DNAH5: variants seen among roughly 807,000 people sequenced by gnomAD.
DNAH5 encodes the protein axonemal beta dynein heavy chain 5.
A neutral mutation model predicts 518.2 loss-of-function variants in DNAH5; 372 were observed. The observed-to-expected ratio is 0.72, with a 90% CI of 0.66 to 0.78. The LOEUF is 0.78. Among genes scored for constraint, DNAH5 ranks in the 30% least tolerant of loss-of-function variants. DNAH5 has a pLI of 0.00. For synonymous variants in DNAH5, 2,039 were observed against 2,025.9 expected, an observed-to-expected ratio of 1.01 and a Z score of -0.17; for missense variants, 5,523 against 5,687.0, an observed-to-expected ratio of 0.97 and a Z score of 0.93.
At chr5:13,863,900 G>A (rs892941306) in intron 28 of DNAH5, among the ~76,000 whole-genome samples, 2 of 152,046 alleles carry the variant, frequency 1.3e-5, no homozygotes, top group African/African-American at 4.8e-5. Flanking sequence ...CAGCCACATG[G>A]GCCTTCTTCT....
Position 13,841,980 on chromosome 5 carries a change from C to T in DNAH5, c.5272-76G>A, listed in dbSNP as rs899445357. ...AGTAAAAACTAATTATTGACTTGTC[C>T]TTCCCAAAGAAAGTAAAGCTACAGA... is the stretch of plus-strand genomic sequence containing the variant. On this transcript the variant is annotated intron_variant, in intron 32 of 78. Coordinates refer to ENST00000265104, the MANE Select transcript of DNAH5 (RefSeq NM_001369.3). 1.2e-5 allele frequency: 11 copies of T among 909,948 alleles called. No individual in the cohort carries two copies. In the African/African-American group the frequency reaches 1.7e-4, roughly 14 times the overall value. The allele number at this position is 909,948 out of a possible 1,614,324, so 56.4% of individuals were successfully genotyped here. A position where few individuals can be genotyped will look rare whatever the true frequency, so the allele number is the denominator to read the frequency against.
intron 65 of DNAH5, 136 bp downstream of exon 65, chr5:13,750,942 T>C (rs895649812): frequency 1.0e-6 from 1 of 966,272 alleles, no homozygotes; most frequent in Non-Finnish European, 1.6e-6. Context: ...AGAAAACACT[T>C]GGAGATTAAT....
Position 13,752,267 on chromosome 5 carries a change from T to C in DNAH5, c.10895A>G (p.Tyr3632Cys), listed in dbSNP as rs768999774. Reference sequence around the variant, plus strand: ...GCTGTCTTCCAGGTGGTTTCTGAAGTACTTGTGATTTAAAGACGTGATCTA... The same window carrying C: ...GCTGTCTTCCAGGTGGTTTCTGAAGCACTTGTGATTTAAAGACGTGATCTA... ...ELQITSLNHK[Y>C]FRNHLEDSLS... Residue 3632 changes from tyrosine to cysteine, a missense_variant, in exon 64 of 79, where the codon TAC (tyrosine) becomes TGC (cysteine). Physicochemically the swap from Tyr to Cys is radical, Grantham distance 194. Coordinates refer to ENST00000265104, the MANE Select transcript of DNAH5 (RefSeq NM_001369.3). 2.5e-6 allele frequency: 4 copies of C among 1,614,070 alleles called. No homozygotes were observed. The highest frequency in any genetic ancestry group is 3.4e-6 in the Non-Finnish European group (4 of 1,179,962).
At chr5:13,829,088 C>A (rs185265020) in intron 38 of DNAH5, among the ~76,000 whole-genome samples, 2 of 152,238 alleles carry the variant, frequency 1.3e-5, no homozygotes, top group East Asian at 3.9e-4. Context: ...AGGAAACTAG[C>A]AAGAAGGCTG....
chr5:13,791,377 T>C (rs1254751358), intron 50 of DNAH5, among the ~76,000 whole-genome samples: 3 of 152,190 alleles, frequency 2.0e-5, no homozygotes, highest in African/African-American at 7.2e-5. Flanking sequence ...ATAGCATTCT[T>C]AGTTTGAGGG....
At chr5:13,815,007 G>C (rs1190536803) in intron 42 of DNAH5, among the ~76,000 whole-genome samples, 161 bp from the exon 43 acceptor site, 1 of 151,996 alleles carries the variant, frequency 6.6e-6, no homozygotes, top group Non-Finnish European at 1.5e-5. Context: ...TATTACAAAG[G>C]ATCTTCAAAG....
intron 19 of DNAH5, among the ~76,000 whole-genome samples, chr5:13,883,646 G>A (rs779378115): frequency 1.4e-4 from 22 of 152,208 alleles, no homozygotes; most frequent in Non-Finnish European, 3.2e-4. Context: ...GTATAGGTAT[G>A]TAGATACAGA....
At chr5:13,996,144 T>C (rs1259710733) in intron 1 of DNAH5, among the ~76,000 whole-genome samples, 1 of 151,500 alleles carries the variant, frequency 6.6e-6, no homozygotes, top group Non-Finnish European at 1.5e-5. Flanking sequence ...ATACAATGGC[T>C]TTCTGGCTTT....
At chr5:13,718,644 G>T (rs1245538764) in intron 72 of DNAH5, among the ~76,000 whole-genome samples, 1 of 152,200 alleles carries the variant, frequency 6.6e-6, no homozygotes, top group African/African-American at 2.4e-5. Flanking sequence ...CTGGAGAACA[G>T]CATGGGCTTA....
intron 12 of DNAH5, among the ~76,000 whole-genome samples, chr5:13,910,132 T>G (rs75107401): frequency 0.027 from 4,040 of 152,228 alleles, 186 homozygotes; most frequent in African/African-American, 0.091. Context: ...ATTGCTTAAA[T>G]TATTATAGGT....
At chr5:13,862,860 A>ATATATATGTATG in intron 28 of DNAH5, 113 bp from the exon 29 acceptor site, 2 of 291,448 alleles carry the variant, frequency 6.9e-6, no homozygotes, top group Non-Finnish European at 5.8e-6. Context: ...ATAAATATAT[A>ATATATATGTATG]TATAAACTTT....
At chr5:14,011,817 A>G (rs1785162735) in exon 1 of DNAH5, among the ~76,000 whole-genome samples, 1 of 152,122 alleles carries the variant, frequency 6.6e-6, no homozygotes, top group Non-Finnish European at 1.5e-5. Flanking sequence ...TGCCATGGCG[A>G]CGGGCAATGC....
At position 13,793,602 on chromosome 5, in the gene DNAH5, G is replaced by A. The variant is rs111912673; in HGVS notation, c.8137C>T (p.Arg2713Cys). 415 of 1,614,022 alleles carry A rather than the reference G, an allele frequency of 2.6e-4. 2 individuals are homozygous for A. The African/African-American group carries it at 4.4e-3, about 17-fold the overall frequency. ...LAAMIHPGGG[R>C]NDIPQRLKRQ... ...TTGAGTCTTTGGGGTATGTCATTGC[G>A]TCCACCACCAGGATGGATCATGGCT... The change falls in exon 49 of 79, where the codon CGC becomes TGC. Residue 2713 changes from arginine to cysteine, a missense_variant. Transcript: ENST00000265104.
At chr5:13,768,718 T>C (rs1007847463) in intron 58 of DNAH5, among the ~76,000 whole-genome samples, 4 of 152,238 alleles carry the variant, frequency 2.6e-5, no homozygotes, top group Admixed American at 2.0e-4. Context: ...CCAGGACTCT[T>C]GGCCACCAGT....
At chr5:13,851,557 A>C (rs544507097) in intron 30 of DNAH5, among the ~76,000 whole-genome samples, 75 of 152,072 alleles carry the variant, frequency 4.9e-4, no homozygotes, top group African/African-American at 1.8e-3. Flanking sequence ...CAGTCTTCCC[A>C]CCTCAGCCTC....
chr5:13,852,122 A>C (rs188238451), intron 30 of DNAH5, among the ~76,000 whole-genome samples: 1 of 152,110 alleles, frequency 6.6e-6, no homozygotes, highest in East Asian at 1.9e-4. Context: ...TTTCAAGCAC[A>C]AAATTCGGTG....
At chr5:13,706,470 A>G (rs961448616) in intron 76 of DNAH5, among the ~76,000 whole-genome samples, 11 of 152,214 alleles carry the variant, frequency 7.2e-5, no homozygotes, top group African/African-American at 2.7e-4. Flanking sequence ...GATTTTCCCA[A>G]GAAATAGGTT....
chr5:13,973,434 T>C (rs373506435), intron 1 of DNAH5, among the ~76,000 whole-genome samples: 80 of 152,356 alleles, frequency 5.3e-4, no homozygotes, highest in African/African-American at 1.9e-3. Context: ...AGAGTGTTCG[T>C]TGCCACATCA....
At chr5:13,947,274 T>G (rs1322514023), upstream of DNAH5, among the ~76,000 whole-genome samples, 2 of 152,248 alleles carry the variant, frequency 1.3e-5, no homozygotes, top group African/African-American at 4.8e-5. Flanking sequence ...TAAACTCATC[T>G]CTAAATTATG....
Sources: allele counts gnomAD v4.1 joint callset (sites outside exome capture counted in the v4.1 genomes callset), GRCh38; gene constraint gnomAD v4.1.1; transcripts MANE v1.5; gene names NCBI Gene and HGNC (gene_info 2026-07-23, HGNC 2026-07-21).